Variants in CERS3 observed in about 807,000 individuals in gnomAD.
The protein encoded by CERS3 is ceramide synthase 3.
CERS3 carries 33 observed loss-of-function variants against 50.3 expected under a neutral mutation model. That is an observed-to-expected ratio of 0.66 (90% CI 0.50 to 0.88). The LOEUF is 0.88. Among genes scored for constraint, CERS3 ranks in the 40% least tolerant of loss-of-function variants. The pLI, the probability that CERS3 is intolerant of heterozygous loss-of-function variation, is 0.00. For missense variants in CERS3, 470 were observed against 460.3 expected, an observed-to-expected ratio of 1.02 and a Z score of -0.19; for synonymous variants, 176 against 155.2, an observed-to-expected ratio of 1.13 and a Z score of -0.99.
At chr15:100,518,172 A>G (rs1027407796) in intron 2 of CERS3, among the ~76,000 whole-genome samples, 7 of 152,222 alleles carry the variant, frequency 4.6e-5, no homozygotes, top group African/African-American at 1.7e-4. Context: ...CCTCTTAAAG[A>G]AAAAAATGTA....
intron 11 of CERS3, among the ~76,000 whole-genome samples, chr15:100,405,577 ATGTT>A (rs2142044227): frequency 6.6e-6 from 1 of 152,362 alleles, no homozygotes; most frequent in South Asian, 2.1e-4. Flanking sequence ...GAGTAAAAAA[ATGTT>A]AGTTTCAAAA....
At chr15:100,537,410 CT>C (rs535587603) in intron 1 of CERS3, among the ~76,000 whole-genome samples, 132 of 152,318 alleles carry the variant, frequency 8.7e-4, no homozygotes, top group African/African-American at 3.1e-3. Context: ...CATTTTCATA[CT>C]GCTATAAAGA....
chr15:100,432,541 A>G (rs192077759), intron 11 of CERS3, among the ~76,000 whole-genome samples: 2 of 152,328 alleles, frequency 1.3e-5, no homozygotes, highest in East Asian at 3.9e-4. Context: ...ACCTACATCA[A>G]TAGAAACAGA....
At chr15:100,535,128 G>C (rs2037038818) in intron 1 of CERS3, among the ~76,000 whole-genome samples, 1 of 152,178 alleles carries the variant, frequency 6.6e-6, no homozygotes, top group Non-Finnish European at 1.5e-5. Context: ...CCTCAACTTT[G>C]ACAAAATAGA....
In CERS3 at chr15:100,479,416, T is replaced by C; in HGVS notation, c.516+12A>G. The C allele has an allele frequency of 1.9e-6, 3 of 1,591,502 alleles. No individual in the cohort carries two copies. Among genetic ancestry groups the C allele is most frequent in the Non-Finnish European group, 1.7e-6 (2 of 1,165,602 alleles). On this transcript the variant is annotated intron_variant, in intron 7 of 11. Coordinates refer to ENST00000679737, the MANE Select transcript of CERS3 (RefSeq NM_001378789.1). ...TTCAAGTAAGGGGAGGAATATGTTA[T>C]AGTGGACTTACCTGTTTGGGATAGC... is the stretch of plus-strand genomic sequence containing the variant.
chr15:100,522,227 A>G (rs913247694), intron 1 of CERS3, among the ~76,000 whole-genome samples: 10 of 152,240 alleles, frequency 6.6e-5, no homozygotes, highest in Non-Finnish European at 1.5e-4. Flanking sequence ...GTCATAGCAC[A>G]TGGGTTTTCA....
At chr15:100,440,590 TC>T (rs997900892) in intron 11 of CERS3, among the ~76,000 whole-genome samples, 2 of 152,208 alleles carry the variant, frequency 1.3e-5, no homozygotes, top group African/African-American at 4.8e-5. Flanking sequence ...GGTGGTCTCT[TC>T]ACACGGACGT....
rs1266833404 is a variant in CERS3, at chr15:100,402,351, G to A, written c.*362C>T. On this transcript the variant is annotated 3_prime_UTR_variant, in exon 12 of 12. Transcript: ENST00000679737. Reference sequence around the variant, plus strand: ...CACCTGGGAAAAATGAGATCACTTAGCACCTGTGAAAGCGTCCTGAGGACA... The same window carrying A: ...CACCTGGGAAAAATGAGATCACTTAACACCTGTGAAAGCGTCCTGAGGACA... The A allele has an allele frequency of 5.5e-6, 1 of 182,754 alleles. No homozygotes were observed. The highest frequency in any genetic ancestry group is 5.8e-5 in the Admixed American group (1 of 17,268). 11.3% of individuals were successfully genotyped at this position (182,754 alleles called of 1,614,324 possible).
At chr15:100,461,358 G>A (rs2034545817) in intron 10 of CERS3, among the ~76,000 whole-genome samples, 1 of 152,158 alleles carries the variant, frequency 6.6e-6, no homozygotes, top group Non-Finnish European at 1.5e-5. Context: ...AGATGCAAAT[G>A]TCTTCTAAGA....
Position 100,501,169 on chromosome 15 carries a change from C to T in CERS3, c.173+508G>A, listed in dbSNP as rs553598571. 1.4e-4 allele frequency among the ~76,000 whole-genome samples: 21 copies of T among 152,138 alleles called. 1 individual carries two copies. The highest frequency in any genetic ancestry group is 2.7e-4 in the African/African-American group (11 of 41,442). On this transcript the variant is annotated intron_variant, in intron 3 of 11. Coordinates refer to ENST00000679737, the MANE Select transcript of CERS3 (RefSeq NM_001378789.1). ...TCTTTGATTTCCTTGCACTTTAGAA[C>T]GAAGGGCAGCTATTAAACCTTTAAA...
intron 10 of CERS3, among the ~76,000 whole-genome samples, chr15:100,465,749 C>G (rs972048432): frequency 5.3e-5 from 8 of 151,746 alleles, no homozygotes; most frequent in African/African-American, 1.9e-4. Context: ...ACCTCCACTT[C>G]CCAGTTTCAG....
At chr15:100,481,974 G>A (rs2035314832) in intron 5 of CERS3, among the ~76,000 whole-genome samples, 1 of 152,232 alleles carries the variant, frequency 6.6e-6, no homozygotes, top group Admixed American at 6.5e-5. Flanking sequence ...TTGCACTGAT[G>A]AAACGTGCGC....
At chr15:100,403,364 A>C (rs974571895) in intron 11 of CERS3, among the ~76,000 whole-genome samples, 5 of 152,154 alleles carry the variant, frequency 3.3e-5, no homozygotes, top group Non-Finnish European at 7.4e-5. Context: ...AAAAAAGAAG[A>C]GCCAAATAAA....
intron 1 of CERS3, among the ~76,000 whole-genome samples, chr15:100,527,813 C>T (rs2036838238): frequency 6.6e-6 from 1 of 152,206 alleles, no homozygotes; most frequent in Admixed American, 6.5e-5. Flanking sequence ...TAGAAAAAGG[C>T]AGAAATATTG....
chr15:100,422,947 G>C (rs1226092356), intron 11 of CERS3, among the ~76,000 whole-genome samples: 1 of 122,120 alleles, frequency 8.2e-6, no homozygotes, highest in Non-Finnish European at 1.7e-5. Flanking sequence ...GGGTGGGGGG[G>C]AGGGGGGAGG....
chr15:100,520,205 T>C (rs2036602753), intron 2 of CERS3, among the ~76,000 whole-genome samples: 1 of 152,126 alleles, frequency 6.6e-6, no homozygotes, highest in Admixed American at 6.5e-5. Flanking sequence ...GCAGGGGACG[T>C]AGCATGCAGT....
chr15:100,483,260 G>T (rs942160875), intron 5 of CERS3, among the ~76,000 whole-genome samples: 2 of 152,046 alleles, frequency 1.3e-5, no homozygotes, highest in Admixed American at 6.6e-5. Context: ...ACACTCCCAT[G>T]TGCCACTGGG....
At chr15:100,447,340 T>G (rs1362286332) in intron 11 of CERS3, among the ~76,000 whole-genome samples, 1 of 152,226 alleles carries the variant, frequency 6.6e-6, no homozygotes, top group African/African-American at 2.4e-5. Context: ...TCTCTGAATC[T>G]GCCTATGACC....
intron 1 of CERS3, among the ~76,000 whole-genome samples, chr15:100,535,162 T>G (rs1017607831): frequency 2.0e-5 from 3 of 152,258 alleles, no homozygotes; most frequent in Non-Finnish European, 2.9e-5. Flanking sequence ...CTGAGACCTA[T>G]CTCAGATTTT....
Sources: gnomAD v4.1 joint callset for allele counts (sites outside exome capture counted in the v4.1 genomes callset) on GRCh38, gnomAD v4.1.1 for gene constraint, MANE v1.5 for transcripts, NCBI Gene and HGNC (gene_info 2026-07-23, HGNC 2026-07-21) for gene names.